Variants in ARHGEF9 observed in about 807,000 individuals in gnomAD.
ARHGEF9 encodes rho guanine nucleotide exchange factor 9.
A neutral mutation model predicts 41.3 loss-of-function variants in ARHGEF9; 2 were observed. That is an observed-to-expected ratio of 0.05 (90% CI 0.02 to 0.15). The LOEUF (loss-of-function observed/expected upper bound fraction) is 0.15. ARHGEF9 is among the 10% of genes least tolerant of loss of function. ARHGEF9 has a pLI of 1.00. For missense variants in ARHGEF9, 225 were observed against 424.7 expected (o/e 0.53, Z 4.13); for synonymous variants, 160 against 154.4 (o/e 1.04, Z -0.27).
In ARHGEF9 at chrX:63,785,165, T is replaced by C; in HGVS notation, c.-20A>G. 8.6e-7 allele frequency: 1 copy of C among 1,163,302 alleles called. No homozygotes were observed. On this transcript the variant is annotated 5_prime_UTR_variant, in exon 1 of 10. Transcript: ENST00000671741. ...CTGCATGGTGCTTGCGAAGTCCGGC[T>C]TCTCTGAGGCCCCGTAGCTGGCGCG...
At chrX:63,769,801 C>T (rs1331760924) in intron 1 of ARHGEF9, among the ~76,000 whole-genome samples, 1 of 112,272 alleles carries the variant, frequency 8.9e-6, no homozygotes, top group Non-Finnish European at 1.9e-5. Flanking sequence ...GCACAAAAGT[C>T]AAAGATTAAG....
At chrX:63,662,175 C>A (rs2049264540) in intron 7 of ARHGEF9, among the ~76,000 whole-genome samples, 1 of 111,736 alleles carries the variant, frequency 8.9e-6, no homozygotes, top group South Asian at 3.8e-4. Context: ...TAGTTATTCT[C>A]ACCATTCACA....
intron 1 of ARHGEF9, among the ~76,000 whole-genome samples, chrX:63,734,885 G>A (rs1409755490): frequency 3.6e-5 from 4 of 111,358 alleles, no homozygotes; most frequent in African/African-American, 1.3e-4. Flanking sequence ...AATATTCTAA[G>A]AGACAGATGG....
chrX:63,777,528 G>C (rs1162359501), intron 1 of ARHGEF9, among the ~76,000 whole-genome samples: 1 of 111,563 alleles, frequency 9.0e-6, no homozygotes, highest in African/African-American at 3.3e-5. Flanking sequence ...ATTCACTCCA[G>C]CATTAACTCA....
intron 6 of ARHGEF9, 45 bp downstream of exon 6, chrX:63,673,993 C>T (rs1602339531): frequency 8.3e-7 from 1 of 1,202,997 alleles, no homozygotes; most frequent in African/African-American, 1.8e-5. Context: ...AAGCTTTTGC[C>T]AAGCTATTCA....
intron 2 of ARHGEF9, among the ~76,000 whole-genome samples, chrX:63,709,423 G>A (rs1486210877): frequency 1.8e-5 from 2 of 112,014 alleles, no homozygotes; most frequent in Non-Finnish European, 1.9e-5. Flanking sequence ...TCTAAACCAC[G>A]GAGTGCTTTC....
In ARHGEF9 at chrX:63,702,222, T is replaced by C. The variant is rs190686401; in HGVS notation, c.402+4036A>G. On this transcript the variant is annotated intron_variant, in intron 3 of 9. Coordinates refer to ENST00000671741, the MANE Select transcript of ARHGEF9 (RefSeq NM_001353921.2). ...TTTCATAGGTATCAGATGGCTGAGA[T>C]TATCTTCCTCAAGAGAAAGCAGACA... Among the ~76,000 whole-genome samples the C allele has an allele frequency of 2.7e-5, 3 of 112,508 alleles. No homozygotes were observed. In the East Asian group the frequency reaches 8.4e-4, roughly 32 times the overall value.
chrX:63,701,407 T>C (rs782560546), intron 3 of ARHGEF9: 2 of 110,551 alleles, frequency 1.8e-5, no homozygotes, highest in Non-Finnish European at 3.8e-5. Context: ...CTGACAAACA[T>C]CTTGAAGACA....
At chrX:63,655,325 G>C (rs2048812185) in intron 8 of ARHGEF9, among the ~76,000 whole-genome samples, 169 bp downstream of exon 8, 1 of 111,971 alleles carries the variant, frequency 8.9e-6, no homozygotes, top group South Asian at 3.7e-4. Flanking sequence ...ACTGACTAAT[G>C]GAAGCTATTG....
At chrX:63,706,643 C>A (rs187373492) in intron 2 of ARHGEF9, among the ~76,000 whole-genome samples, 194 bp from the exon 3 acceptor site, 1 of 111,599 alleles carries the variant, frequency 9.0e-6, no homozygotes, top group East Asian at 2.8e-4. Context: ...TTCTCTAGGT[C>A]TCTGGTGACC....
At chrX:63,698,130 T>C (rs1434616936) in intron 3 of ARHGEF9, among the ~76,000 whole-genome samples, 1 of 106,257 alleles carries the variant, frequency 9.4e-6, no homozygotes, top group Non-Finnish European at 1.9e-5. Context: ...TATATAAATT[T>C]ATAAATATAT....
intron 1 of ARHGEF9, among the ~76,000 whole-genome samples, chrX:63,773,996 C>T (rs1260573859): frequency 9.1e-6 from 1 of 110,234 alleles, no homozygotes; most frequent in African/African-American, 3.3e-5. Flanking sequence ...TTGCAGAATG[C>T]AGATCTTAGG....
At chrX:63,643,933 C>T (rs1277159969) in intron 9 of ARHGEF9, 47 bp downstream of exon 9, 8 of 1,159,795 alleles carry the variant, frequency 6.9e-6, no homozygotes, top group Non-Finnish European at 9.4e-6. Flanking sequence ...AAGCATATAG[C>T]TTATGATTCC....
chrX:63,731,552 G>GTTT lies in ARHGEF9; in HGVS notation c.31-6844_31-6842dup, dbSNP rs1165184937. 7.1e-4 allele frequency among the ~76,000 whole-genome samples: 54 copies of GTTT among 75,861 alleles called. 1 individual carries two copies. The highest frequency in any genetic ancestry group is 2.3e-3 in the African/African-American group (46 of 20,283). 65.9% of individuals were successfully genotyped at this position (75,861 alleles called of 115,157 possible). A position where few individuals can be genotyped will look rare whatever the true frequency, so the allele number is the denominator to read the frequency against. On this transcript the variant is annotated intron_variant, in intron 1 of 9. Coordinates refer to ENST00000671741, the MANE Select transcript of ARHGEF9 (RefSeq NM_001353921.2). Reference sequence around the variant, plus strand: ...TGGACAGGTCCCTTTCCCTGTCTCAGTTTTTTTTTTTTTTTTTTTTTTTTT... The same window carrying GTTT: ...TGGACAGGTCCCTTTCCCTGTCTCAGTTTTTTTTTTTTTTTTTTTTTTTTTTTT...
intron 4 of ARHGEF9, among the ~76,000 whole-genome samples, chrX:63,694,142 C>T (rs1556384904): frequency 1.9e-5 from 2 of 107,516 alleles, no homozygotes; most frequent in African/African-American, 6.8e-5. Flanking sequence ...AAGATTGCAC[C>T]ACTGCACTCC....
chrX:63,679,863 G>A (rs2050503414), intron 4 of ARHGEF9, among the ~76,000 whole-genome samples: 1 of 111,579 alleles, frequency 9.0e-6, no homozygotes, highest in Non-Finnish European at 1.9e-5. Context: ...AAAGGAAATA[G>A]ACAGAATATA....
At chrX:63,649,592 A>T (rs1380405292) in intron 8 of ARHGEF9, among the ~76,000 whole-genome samples, 1 of 111,996 alleles carries the variant, frequency 8.9e-6, no homozygotes. Context: ...CTAAGATCAG[A>T]GCAGAACTGA....
chrX:63,730,331 T>C (rs1275296061), intron 1 of ARHGEF9, among the ~76,000 whole-genome samples: 2 of 112,417 alleles, frequency 1.8e-5, no homozygotes, highest in Admixed American at 1.9e-4. Context: ...GAAGATGACT[T>C]GTGAGATAAA....
chrX:63,641,492 G>A (rs782346168), intron 9 of ARHGEF9: 1 of 111,803 alleles, frequency 8.9e-6, no homozygotes, highest in Admixed American at 9.5e-5. Context: ...GCCCTAAAAG[G>A]AATGGCCTGG....
Sources: gnomAD v4.1 joint callset for allele counts (sites outside exome capture counted in the v4.1 genomes callset) on GRCh38, gnomAD v4.1.1 for gene constraint, MANE v1.5 for transcripts, NCBI Gene and HGNC (gene_info 2026-07-23, HGNC 2026-07-21) for gene names.